Variants in PRICKLE2 observed in about 807,000 individuals in gnomAD.
PRICKLE2 encodes the protein prickle-like protein 2.
PRICKLE2 carries 21 observed loss-of-function variants against 81.4 expected under a neutral mutation model. That is an observed-to-expected ratio of 0.26 (90% confidence interval 0.18 to 0.37). The LOEUF (loss-of-function observed/expected upper bound fraction) is 0.37. PRICKLE2 is among the 10% of genes least tolerant of loss of function. The probability of loss-of-function intolerance (pLI) is 1.00; values close to 1 mark genes in which losing one functional copy is unlikely to be tolerated. For synonymous variants in PRICKLE2, 456 were observed against 421.5 expected (o/e 1.08, Z -1.00); for missense variants, 940 against 1,109.0 (o/e 0.85, Z 2.16).
At chr3:64,198,134 C>T (rs943971568) in intron 2 of PRICKLE2, among the ~76,000 whole-genome samples, 28 of 151,920 alleles carry the variant, frequency 1.8e-4, no homozygotes, top group Non-Finnish European at 3.8e-4. Context: ...ATGGCGTGAA[C>T]CCGGGAGGCA....
upstream of PRICKLE2, among the ~76,000 whole-genome samples, chr3:64,230,414 A>G (rs947110668): frequency 6.6e-6 from 1 of 152,230 alleles, no homozygotes; most frequent in Admixed American, 6.5e-5. Flanking sequence ...CAGAACAAAG[A>G]AAAAGAAAAT....
At chr3:64,159,283 GAGA>G (rs2077690986) in intron 4 of PRICKLE2, among the ~76,000 whole-genome samples, 1 of 152,190 alleles carries the variant, frequency 6.6e-6, no homozygotes, top group African/African-American at 2.4e-5. Flanking sequence ...CAATTCTCAG[GAGA>G]AGATCATTTA....
chr3:64,219,786 T>C (rs1315393742), intron 1 of PRICKLE2, among the ~76,000 whole-genome samples: 3 of 152,148 alleles, frequency 2.0e-5, no homozygotes, highest in African/African-American at 7.2e-5. Flanking sequence ...CCTAGAATGG[T>C]GGACAGGATT....
intron 7 of PRICKLE2, among the ~76,000 whole-genome samples, chr3:64,110,212 G>T (rs1457284367): frequency 1.3e-5 from 2 of 152,198 alleles, no homozygotes; most frequent in African/African-American, 4.8e-5. Flanking sequence ...GGTTTACACT[G>T]ACCCCATGCT....
intron 7 of PRICKLE2, among the ~76,000 whole-genome samples, chr3:64,135,578 T>G (rs1022938565): frequency 6.6e-6 from 1 of 152,122 alleles, no homozygotes; most frequent in South Asian, 2.1e-4. Context: ...CCTGCCTGTT[T>G]GCTCAGCCTG....
intron 2 of PRICKLE2, among the ~76,000 whole-genome samples, chr3:64,253,837 G>T (rs1450599146): frequency 6.6e-6 from 1 of 152,128 alleles, no homozygotes; most frequent in African/African-American, 2.4e-5. Context: ...AAAATCAAAG[G>T]GTAGCGTGGA....
intron 1 of PRICKLE2, among the ~76,000 whole-genome samples, chr3:64,204,619 GA>G (rs1314989862): frequency 6.6e-6 from 1 of 151,606 alleles, no homozygotes; most frequent in African/African-American, 2.4e-5. Context: ...CAAAACCAAG[GA>G]GGGGGGAAGA....
chr3:64,155,880 G>A (rs1238361054), intron 5 of PRICKLE2, among the ~76,000 whole-genome samples: 1 of 152,122 alleles, frequency 6.6e-6, no homozygotes, highest in Non-Finnish European at 1.5e-5. Context: ...GGGGAAATGA[G>A]GAGTGACTGC....
intron 7 of PRICKLE2, among the ~76,000 whole-genome samples, chr3:64,129,368 A>G (rs926795881): frequency 6.6e-6 from 1 of 152,250 alleles, no homozygotes; most frequent in Non-Finnish European, 1.5e-5. Flanking sequence ...ACAATATATT[A>G]GTAGTTAACA....
chr3:64,202,884 A>C (rs1178262549), intron 1 of PRICKLE2, among the ~76,000 whole-genome samples: 1 of 152,186 alleles, frequency 6.6e-6, no homozygotes, highest in Non-Finnish European at 1.5e-5. Flanking sequence ...AGCATTAAGT[A>C]TTATGTTAGC....
At chr3:64,234,796 G>A (rs1303717293) in intron 2 of PRICKLE2, among the ~76,000 whole-genome samples, 5 of 151,988 alleles carry the variant, frequency 3.3e-5, no homozygotes, top group African/African-American at 7.3e-5. Flanking sequence ...TTTCTCTTGC[G>A]GTTTTCAAGA....
chr3:64,193,714 T>TG (rs2078392594), intron 2 of PRICKLE2, among the ~76,000 whole-genome samples: 1 of 152,138 alleles, frequency 6.6e-6, no homozygotes, highest in Non-Finnish European at 1.5e-5. Flanking sequence ...ATTGAATCAT[T>TG]GGGGCAGGTC....
At chr3:64,182,978 T>C (rs697278) in intron 2 of PRICKLE2, among the ~76,000 whole-genome samples, 141,714 of 152,198 alleles carry the variant, frequency 0.93, 66,064 homozygotes, top group South Asian at 0.97. Context: ...TATAAGTTAT[T>C]ATAATAAATT....
chr3:64,131,409 A>C (rs923578819), intron 7 of PRICKLE2, among the ~76,000 whole-genome samples: 5 of 152,236 alleles, frequency 3.3e-5, no homozygotes, highest in Non-Finnish European at 7.3e-5. Flanking sequence ...GACCAACAGA[A>C]ATATCCAAAG....
chr3:64,221,701 A>C (rs186822890), intron 1 of PRICKLE2, among the ~76,000 whole-genome samples: 1 of 152,284 alleles, frequency 6.6e-6, no homozygotes, highest in East Asian at 1.9e-4. Flanking sequence ...CACAAAAGAA[A>C]GTCTTTATCC....
At chr3:64,192,130 A>C (rs2078354716) in intron 2 of PRICKLE2, among the ~76,000 whole-genome samples, 1 of 152,248 alleles carries the variant, frequency 6.6e-6, no homozygotes, top group African/African-American at 2.4e-5. Context: ...ATTGATATGG[A>C]ATAACCCTTT....
intron 7 of PRICKLE2, among the ~76,000 whole-genome samples, chr3:64,127,712 C>T (rs2106979324): frequency 2.6e-5 from 4 of 151,940 alleles, no homozygotes; most frequent in Admixed American, 2.6e-4. Context: ...TTCCTGAGGA[C>T]CTGAGCCGTC....
intron 2 of PRICKLE2, among the ~76,000 whole-genome samples, chr3:64,164,556 C>T (rs2077794107): frequency 6.6e-6 from 1 of 152,018 alleles, no homozygotes; most frequent in South Asian, 2.1e-4. Flanking sequence ...ATGACAAGGC[C>T]TTAAAAAATG....
intron 2 of PRICKLE2, among the ~76,000 whole-genome samples, chr3:64,191,859 C>T (rs540607454): frequency 1.2e-4 from 18 of 152,242 alleles, no homozygotes; most frequent in African/African-American, 3.1e-4. Context: ...ACTGGGCTCC[C>T]GAGATTCGGA....
Sources: allele counts gnomAD v4.1 joint callset (sites outside exome capture counted in the v4.1 genomes callset), GRCh38; gene constraint gnomAD v4.1.1; transcripts MANE v1.5; gene names NCBI Gene and HGNC (gene_info 2026-07-23, HGNC 2026-07-21).